ANXA8: variants seen among roughly 807,000 people sequenced by gnomAD.
ANXA8 encodes VAC-beta.
Under a neutral mutation model 26.8 loss-of-function variants are expected in ANXA8, and 9 were observed. The observed-to-expected ratio is 0.34, with a 90% CI of 0.20 to 0.59. The LOEUF is 0.59. Ranked by LOEUF, ANXA8 falls within the 20% of genes least tolerant of loss-of-function variation. The probability of loss-of-function intolerance (pLI) is 0.84; values close to 1 mark genes in which losing one functional copy is unlikely to be tolerated. For missense variants in ANXA8, 83 were observed against 238.5 expected, an observed-to-expected ratio of 0.35 and a Z score of 4.29; for synonymous variants, 39 against 94.8, an observed-to-expected ratio of 0.41 and a Z score of 3.42.
At chr10:47,655,776 T>G in the ANXA8 span, among the ~76,000 whole-genome samples, 140 of 152,032 alleles carry the variant, frequency 9.2e-4, no homozygotes, top group East Asian at 0.017. Context: ...ATCCCAGCAC[T>G]TTGGGAGGCC....
chr10:47,888,982 ATGTGTGTG>A, the ANXA8 span, among the ~76,000 whole-genome samples: 42 of 102,234 alleles, frequency 4.1e-4, 1 homozygote, highest in African/African-American at 9.5e-4. Context: ...TATAATATAT[ATGTGTGTG>A]TGTGTGTGTG....
chr10:47,667,279 T>C, the ANXA8 span, among the ~76,000 whole-genome samples: 2 of 152,014 alleles, frequency 1.3e-5, no homozygotes, highest in Non-Finnish European at 2.9e-5. Context: ...GTATGTAACA[T>C]TGAGATTGAT....
the ANXA8 span, among the ~76,000 whole-genome samples, chr10:47,500,351 A>G: frequency 7.8e-6 from 1 of 127,974 alleles, no homozygotes; most frequent in Non-Finnish European, 1.6e-5. Flanking sequence ...TCAAAGGCAC[A>G]ATGAGCGTAG....
the ANXA8 span, chr10:47,753,012 G>A: frequency 2.8e-5 from 4 of 140,714 alleles, no homozygotes; most frequent in African/African-American, 1.1e-4. Context: ...GGAGGCTGAG[G>A]CAGGAGAATC....
the ANXA8 span, among the ~76,000 whole-genome samples, chr10:47,583,849 C>T: frequency 4.3e-5 from 6 of 140,374 alleles, no homozygotes; most frequent in African/African-American, 1.8e-4. Flanking sequence ...GAACGCACAG[C>T]CTGCAAGCAG....
At chr10:47,738,903 A>ACTATGCTCT in the ANXA8 span, among the ~76,000 whole-genome samples, 1 of 151,074 alleles carries the variant, frequency 6.6e-6, no homozygotes, top group East Asian at 2.0e-4. Flanking sequence ...ATTGATTTCA[A>ACTATGCTCT]CTATGCTCTG....
chr10:47,483,218 C>G (rs1325125867), intron 1 of ANXA8, among the ~76,000 whole-genome samples: 1 of 150,298 alleles, frequency 6.7e-6, no homozygotes, highest in South Asian at 2.1e-4. Flanking sequence ...CTCCTGCTTC[C>G]CCTCTTCCCT....
At chr10:47,589,764 G>A in the ANXA8 span, among the ~76,000 whole-genome samples, 1 of 145,102 alleles carries the variant, frequency 6.9e-6, no homozygotes, top group African/African-American at 2.8e-5. Context: ...GGGTATTGCT[G>A]CCCACATTTG....
At chr10:47,474,200 G>C (rs1362944641) in intron 8 of ANXA8, 105 bp downstream of exon 8, 2 of 656,210 alleles carry the variant, frequency 3.0e-6, no homozygotes, top group Non-Finnish European at 5.2e-6. Context: ...TGGGCTCCCT[G>C]GCTCTCTCCC....
chr10:47,569,061 G>A, the ANXA8 span, among the ~76,000 whole-genome samples: 2 of 43,260 alleles, frequency 4.6e-5, 1 homozygote, highest in Non-Finnish European at 9.7e-5. Flanking sequence ...AGGAGGCAGA[G>A]GTTGCAGTGA....
chr10:47,710,232 G>T, the ANXA8 span: 1 of 1,513,104 alleles, frequency 6.6e-7, no homozygotes, highest in Non-Finnish European at 8.9e-7. Flanking sequence ...TTCCAGTGTA[G>T]TTAGTGACGT....
At chr10:47,687,220 A>C in the ANXA8 span, among the ~76,000 whole-genome samples, 2 of 151,814 alleles carry the variant, frequency 1.3e-5, no homozygotes, top group East Asian at 3.8e-4. Flanking sequence ...TATCATGGTA[A>C]TGTTATGCAT....
the ANXA8 span, among the ~76,000 whole-genome samples, chr10:47,658,058 C>A: frequency 6.6e-6 from 1 of 151,808 alleles, no homozygotes; most frequent in Non-Finnish European, 1.5e-5. Context: ...TTTTCTCCAT[C>A]TGTCAGTATG....
At chr10:47,975,500 A>G in the ANXA8 span, among the ~76,000 whole-genome samples, 1 of 148,792 alleles carries the variant, frequency 6.7e-6, no homozygotes, top group Non-Finnish European at 1.5e-5. Flanking sequence ...TGGCAGGTGC[A>G]TGTATCAGTA....
chr10:47,637,671 A>G, the ANXA8 span, among the ~76,000 whole-genome samples: 1 of 126,454 alleles, frequency 7.9e-6, no homozygotes, highest in East Asian at 2.1e-4. Flanking sequence ...AGACTCTAGT[A>G]GTTGCTGGGA....
the ANXA8 span, among the ~76,000 whole-genome samples, chr10:47,960,319 C>T: frequency 1.1e-4 from 16 of 145,910 alleles, no homozygotes; most frequent in African/African-American, 3.7e-4. Context: ...CTCCATGAAG[C>T]TTTGGGTAGC....
At chr10:47,954,109 T>C in the ANXA8 span, among the ~76,000 whole-genome samples, 3 of 150,840 alleles carry the variant, frequency 2.0e-5, no homozygotes, top group Non-Finnish European at 2.9e-5. Flanking sequence ...ATTGCAACAC[T>C]ATTCACAATA....
chr10:47,484,260 G>A (rs1839972301), upstream of ANXA8: 11 of 681,030 alleles, frequency 1.6e-5, no homozygotes, highest in East Asian at 2.8e-4. Context: ...GCCTGCGAAA[G>A]CCCCACTCAG....
chr10:47,767,420 G>T, the ANXA8 span, among the ~76,000 whole-genome samples: 25 of 152,384 alleles, frequency 1.6e-4, no homozygotes, highest in African/African-American at 6.0e-4. Flanking sequence ...GACTGGCAGG[G>T]TGGGCTTGGG....
Sources: gnomAD v4.1 joint callset for allele counts (sites outside exome capture counted in the v4.1 genomes callset) on GRCh38, gnomAD v4.1.1 for gene constraint, MANE v1.5 for transcripts, NCBI Gene and HGNC (gene_info 2026-07-23, HGNC 2026-07-21) for gene names.